Variants in ZDHHC15 observed in about 807,000 individuals in gnomAD.
The protein encoded by ZDHHC15 is palmitoyltransferase ZDHHC15.
In ZDHHC15, 19 loss-of-function variants were observed where a neutral mutation model predicts 31.7. The observed-to-expected ratio is 0.60, with a 90% CI of 0.42 to 0.88. ZDHHC15 has a LOEUF of 0.88. ZDHHC15 is among the 40% of genes least tolerant of loss of function. The pLI, the probability that ZDHHC15 is intolerant of heterozygous loss-of-function variation, is 0.00. For missense variants in ZDHHC15, 209 were observed against 251.2 expected (o/e 0.83, Z 1.14); for synonymous variants, 103 against 90.0 (o/e 1.14, Z -0.82).
At chrX:75,507,760 C>T (rs778713050) in intron 1 of ZDHHC15, among the ~76,000 whole-genome samples, 2 of 111,589 alleles carry the variant, frequency 1.8e-5, no homozygotes, top group South Asian at 3.7e-4. Context: ...ACTGTCTCTC[C>T]TTTTTTCTTT....
At chrX:75,477,793 C>T (rs929665812) in intron 3 of ZDHHC15, among the ~76,000 whole-genome samples, 2 of 111,837 alleles carry the variant, frequency 1.8e-5, no homozygotes, top group Non-Finnish European at 3.8e-5. Context: ...AGGTAAATCA[C>T]AATTTTTTAT....
chrX:75,492,544 C>T (rs188239482), intron 2 of ZDHHC15, among the ~76,000 whole-genome samples: 75 of 111,591 alleles, frequency 6.7e-4, no homozygotes, highest in Admixed American at 2.3e-3. Flanking sequence ...AAGCACTCCT[C>T]GGCAAATGTA....
intron 10 of ZDHHC15, 38 bp from the exon 11 acceptor site, chrX:75,379,236 G>A (rs369816894): frequency 2.5e-5 from 30 of 1,197,910 alleles, no homozygotes; most frequent in Middle Eastern, 2.3e-4. Context: ...AAATGTCCCC[G>A]TGCCTTATAT....
At chrX:75,421,406 TA>T (rs1347525231) in intron 9 of ZDHHC15, among the ~76,000 whole-genome samples, 1 of 12,611 alleles carries the variant, frequency 7.9e-5, no homozygotes, top group Admixed American at 1.6e-3. Flanking sequence ...ATATTATATA[TA>T]TATAATATAT....
At chrX:75,466,778 C>A (rs770600306) in intron 3 of ZDHHC15, among the ~76,000 whole-genome samples, 1 of 109,419 alleles carries the variant, frequency 9.1e-6, no homozygotes, top group Non-Finnish European at 1.9e-5. Flanking sequence ...TTATCTTCAG[C>A]AAACTAACAC....
intron 10 of ZDHHC15, among the ~76,000 whole-genome samples, chrX:75,416,590 C>T (rs2083551055): frequency 8.9e-6 from 1 of 111,887 alleles, no homozygotes; most frequent in East Asian, 2.8e-4. Flanking sequence ...TTTTCCTTTG[C>T]CCCTCTTCCT....
chrX:75,408,244 A>G (rs923071521), intron 10 of ZDHHC15, among the ~76,000 whole-genome samples: 6 of 107,670 alleles, frequency 5.6e-5, no homozygotes, highest in Admixed American at 1.0e-4. Flanking sequence ...TAAATAAAAC[A>G]TTAGTCACCA....
At chrX:75,452,890 G>T (rs1474594841) in intron 3 of ZDHHC15, among the ~76,000 whole-genome samples, 2 of 112,040 alleles carry the variant, frequency 1.8e-5, no homozygotes, top group Non-Finnish European at 1.9e-5. Context: ...GCAGTGTGTA[G>T]ATGGAAATTT....
chrX:75,520,878 G>A (rs1336124998), intron 1 of ZDHHC15, among the ~76,000 whole-genome samples: 1 of 111,235 alleles, frequency 9.0e-6, no homozygotes, highest in Non-Finnish European at 1.9e-5. Context: ...ATTCAGAGAG[G>A]TAATTAGAAT....
intron 10 of ZDHHC15, among the ~76,000 whole-genome samples, chrX:75,410,761 T>C (rs1310209022): frequency 8.9e-6 from 1 of 112,183 alleles, no homozygotes; most frequent in Non-Finnish European, 1.9e-5. Flanking sequence ...AGGAAATCAG[T>C]GTATCAAAGA....
chrX:75,414,888 C>T (rs1427987253), intron 10 of ZDHHC15, among the ~76,000 whole-genome samples: 1 of 108,329 alleles, frequency 9.2e-6, no homozygotes, highest in Non-Finnish European at 1.9e-5. Context: ...GTGTCAGCCT[C>T]CCGAGTAGCT....
intron 4 of ZDHHC15, among the ~76,000 whole-genome samples, chrX:75,445,440 T>G (rs895197626): frequency 8.9e-6 from 1 of 112,059 alleles, no homozygotes; most frequent in East Asian, 2.8e-4. Context: ...ATGATAATAT[T>G]TAACATTTTT....
At chrX:75,484,079 C>T (rs2084738229) in intron 2 of ZDHHC15, among the ~76,000 whole-genome samples, 1 of 112,104 alleles carries the variant, frequency 8.9e-6, no homozygotes, top group African/African-American at 3.2e-5. Flanking sequence ...ACCATTTGAT[C>T]TAATGTATTA....
chrX:75,477,591 CTT>C (rs1202475999), intron 3 of ZDHHC15, among the ~76,000 whole-genome samples: 4 of 111,650 alleles, frequency 3.6e-5, no homozygotes, highest in Non-Finnish European at 7.5e-5. Flanking sequence ...TAAATTGACT[CTT>C]TTGTAAATAT....
intron 2 of ZDHHC15, among the ~76,000 whole-genome samples, chrX:75,489,881 A>G (rs1177199402): frequency 8.9e-6 from 1 of 112,114 alleles, no homozygotes; most frequent in East Asian, 2.8e-4. Flanking sequence ...TAACCAATGC[A>G]GAGAAGTCCT....
At chrX:75,385,957 C>T (rs1232872907) in intron 10 of ZDHHC15, among the ~76,000 whole-genome samples, 2 of 111,963 alleles carry the variant, frequency 1.8e-5, no homozygotes, top group African/African-American at 6.5e-5. Context: ...TGAGCTGAGA[C>T]AATATATTGT....
intron 3 of ZDHHC15, among the ~76,000 whole-genome samples, chrX:75,460,201 A>G (rs2084290091): frequency 2.7e-5 from 3 of 111,454 alleles, no homozygotes; most frequent in African/African-American, 6.5e-5. Flanking sequence ...TGGGACCCCA[A>G]CCCATTTCTC....
intron 10 of ZDHHC15, among the ~76,000 whole-genome samples, chrX:75,380,917 C>A (rs1034134918): frequency 9.0e-6 from 1 of 111,318 alleles, no homozygotes; most frequent in Non-Finnish European, 1.9e-5. Context: ...CTTTAAAATT[C>A]TAGGTTCTCA....
intron 3 of ZDHHC15, among the ~76,000 whole-genome samples, chrX:75,465,294 C>T (rs978713328): frequency 5.4e-5 from 6 of 111,736 alleles, no homozygotes; most frequent in African/African-American, 1.6e-4. Flanking sequence ...CACTGCTCAA[C>T]AAAATCAGAG....
Sources: allele counts gnomAD v4.1 joint callset (sites outside exome capture counted in the v4.1 genomes callset), GRCh38; gene constraint gnomAD v4.1.1; transcripts MANE v1.5; gene names NCBI Gene and HGNC (gene_info 2026-07-23, HGNC 2026-07-21).